COL4A1: variants seen among roughly 807,000 people sequenced by gnomAD.
The protein encoded by COL4A1 is collagen alpha-1(IV) chain.
In COL4A1, 40 loss-of-function variants were observed where a neutral mutation model predicts 216.6. The observed-to-expected ratio is 0.18, with a 90% CI of 0.14 to 0.24. The LOEUF (loss-of-function observed/expected upper bound fraction) is 0.24. Ranked by LOEUF, COL4A1 falls within the 10% of genes least tolerant of loss-of-function variation. COL4A1 has a pLI of 1.00. For synonymous variants in COL4A1, 839 were observed against 810.7 expected (o/e 1.03, Z -0.59); for missense variants, 1,628 against 2,196.8 (o/e 0.74, Z 5.18).
intron 1 of COL4A1, chr13:110,298,456 C>T (rs985979101): frequency 3.9e-5 from 6 of 152,158 alleles, no homozygotes; most frequent in Non-Finnish European, 5.9e-5. Flanking sequence ...TGTATGTGTC[C>T]GAAATAAATC....
chr13:110,202,014 G>A (rs1879273939), intron 18 of COL4A1, among the ~76,000 whole-genome samples: 1 of 152,086 alleles, frequency 6.6e-6, no homozygotes, highest in Admixed American at 6.5e-5. Context: ...AACAACGAAA[G>A]CATATGGAAT....
intron 2 of COL4A1, among the ~76,000 whole-genome samples, chr13:110,215,238 G>A (rs1024063979): frequency 3.3e-5 from 5 of 152,000 alleles, no homozygotes; most frequent in East Asian, 1.9e-4. Flanking sequence ...GTGATGGTGG[G>A]CTTTAATGAG....
In COL4A1 at chr13:110,201,468, G is replaced by T. The variant is rs1879233955; in HGVS notation, c.1054C>A (p.Pro352Thr). The T allele has an allele frequency of 6.2e-7, 1 of 1,614,122 alleles. No homozygotes were observed. Among genetic ancestry groups the T allele is most frequent in the Non-Finnish European group, 8.5e-7 (1 of 1,180,022 alleles). The change falls in exon 19 of 52, where the codon CCG (proline) becomes ACG (threonine). Residue 352 changes from proline to threonine, a missense_variant. By Grantham distance (38) the Pro-to-Thr change is conservative. Coordinates refer to ENST00000375820, the MANE Select transcript of COL4A1 (RefSeq NM_001845.6). ...EKGERGYPGT[P>T]GPRGEPGPKG... ...GGGCCTGGCTCTCCTCTTGGCCCCG[G>T]AGTTCCAGGGTAGCCCCTCTCTCCT... is the stretch of plus-strand genomic sequence containing the variant.
At chr13:110,270,511 T>A (rs1400851755) in intron 1 of COL4A1, among the ~76,000 whole-genome samples, 3 of 152,222 alleles carry the variant, frequency 2.0e-5, no homozygotes, top group Non-Finnish European at 1.5e-5. Flanking sequence ...TATTGTATTA[T>A]CTCACTTGTT....
At chr13:110,203,524 C>G (rs561336110) in intron 18 of COL4A1, 42 bp downstream of exon 18, 21 of 1,607,262 alleles carry the variant, frequency 1.3e-5, no homozygotes, top group Non-Finnish European at 1.8e-5. Flanking sequence ...CTCCTTCCTC[C>G]CCCAGCGCTC....
chr13:110,192,023 TG>T (rs1228616718), intron 24 of COL4A1, among the ~76,000 whole-genome samples, 190 bp downstream of exon 24: 2 of 152,174 alleles, frequency 1.3e-5, no homozygotes, highest in African/African-American at 4.8e-5. Context: ...TTGGGCTCTG[TG>T]GGTAACAGTC....
intron 1 of COL4A1, among the ~76,000 whole-genome samples, chr13:110,264,012 C>G (rs534278673): frequency 1.3e-5 from 2 of 152,314 alleles, no homozygotes; most frequent in Non-Finnish European, 2.9e-5. Flanking sequence ...ACATCCTCAT[C>G]CCTCGCACTG....
intron 2 of COL4A1, among the ~76,000 whole-genome samples, chr13:110,219,870 G>GTATATATATATGTGTGTA (rs112601949): frequency 4.8e-5 from 5 of 103,508 alleles, no homozygotes; most frequent in African/African-American, 1.8e-4. Context: ...ATATGTGTGT[G>GTATATATATATGTGTGTA]TATATATGTA....
At chr13:110,185,901 C>A (rs1878379996) in intron 26 of COL4A1, among the ~76,000 whole-genome samples, 1 of 152,196 alleles carries the variant, frequency 6.6e-6, no homozygotes, top group South Asian at 2.1e-4. Flanking sequence ...GTGATTCACT[C>A]CAAAAACAGC....
At chr13:110,162,523 G>A in intron 47 of COL4A1, 81 bp from the exon 48 acceptor site, 2 of 1,076,764 alleles carry the variant, frequency 1.9e-6, no homozygotes, top group Non-Finnish European at 2.8e-6. Flanking sequence ...TCTCCAAAGA[G>A]TTTTTAATAT....
chr13:110,161,991 G>C, intron 48 of COL4A1: 1 of 586,960 alleles, frequency 1.7e-6, no homozygotes, highest in Non-Finnish European at 3.0e-6. Flanking sequence ...GATTTTCGAA[G>C]ATTCAGTCTC....
At chr13:110,287,691 G>A (rs1326671902) in intron 1 of COL4A1, among the ~76,000 whole-genome samples, 2 of 152,228 alleles carry the variant, frequency 1.3e-5, no homozygotes, top group Non-Finnish European at 2.9e-5. Context: ...GCTGTCTGGG[G>A]CTCAAGGACA....
At chr13:110,165,041 C>G (rs550328142) in intron 45 of COL4A1, 51 bp from the exon 46 acceptor site, 1 of 1,577,704 alleles carries the variant, frequency 6.3e-7, no homozygotes, top group Non-Finnish European at 8.6e-7. Context: ...CATACTGGGG[C>G]GGAAACAACT....
intron 16 of COL4A1, 21 bp downstream of exon 16, chr13:110,205,473 A>C (rs760782787): frequency 3.1e-6 from 5 of 1,614,130 alleles, no homozygotes. Context: ...CTGCTTGTAA[A>C]AACCACAGAG....
At chr13:110,173,405 T>C (rs978022321) in intron 40 of COL4A1, among the ~76,000 whole-genome samples, 1 of 151,986 alleles carries the variant, frequency 6.6e-6, no homozygotes, top group African/African-American at 2.4e-5. Context: ...TAAATACAAA[T>C]ATTACTGTGT....
At chr13:110,226,146 A>G (rs575193606) in intron 2 of COL4A1, among the ~76,000 whole-genome samples, 3 of 152,200 alleles carry the variant, frequency 2.0e-5, no homozygotes, top group Non-Finnish European at 4.4e-5. Flanking sequence ...ATGACCCAGG[A>G]AGTATCTCAT....
intron 32 of COL4A1, 65 bp downstream of exon 32, chr13:110,177,999 A>G: frequency 1.2e-6 from 2 of 1,613,550 alleles, no homozygotes; most frequent in Non-Finnish European, 1.7e-6. Flanking sequence ...GCTGAGTCAT[A>G]AAAAGAATAA....
At chr13:110,182,909 G>A (rs1351502198) in intron 28 of COL4A1, 84 bp downstream of exon 28, 1 of 1,285,578 alleles carries the variant, frequency 7.8e-7, no homozygotes, top group Non-Finnish European at 1.1e-6. Context: ...ACCAGCTTCT[G>A]TGGTGTTTTG....
intron 1 of COL4A1, among the ~76,000 whole-genome samples, chr13:110,291,171 G>C (rs61517271): frequency 6.6e-6 from 1 of 152,216 alleles, no homozygotes; most frequent in Non-Finnish European, 1.5e-5. Flanking sequence ...CTGGTGTCTA[G>C]AAAAAGTACA....
Sources: allele counts gnomAD v4.1 joint callset (sites outside exome capture counted in the v4.1 genomes callset), GRCh38; gene constraint gnomAD v4.1.1; transcripts MANE v1.5; gene names NCBI Gene and HGNC (gene_info 2026-07-23, HGNC 2026-07-21).